Variants in FGFR2 observed in about 807,000 individuals in gnomAD.
The protein encoded by FGFR2 is BEK fibroblast growth factor receptor.
In FGFR2, 19 loss-of-function variants were observed where a neutral mutation model predicts 95.9. The observed-to-expected ratio is 0.20, with a 90% CI of 0.14 to 0.29. FGFR2 has a LOEUF of 0.29. Ranked by LOEUF, FGFR2 falls within the 10% of genes least tolerant of loss-of-function variation. The pLI is 1.00. For synonymous variants in FGFR2, 392 were observed against 393.3 expected (o/e 1.00, Z 0.04); for missense variants, 707 against 1,056.9 (o/e 0.67, Z 4.59).
At chr10:121,544,472 T>A (rs1000909076) in intron 5 of FGFR2, among the ~76,000 whole-genome samples, 3 of 149,222 alleles carry the variant, frequency 2.0e-5, no homozygotes, top group Admixed American at 2.0e-4. Flanking sequence ...AAGTGGTATA[T>A]CCATACAATG....
rs1590132199 is a variant in FGFR2, at chr10:121,593,955, G to A, written c.-138C>T. On this transcript the variant is annotated 5_prime_UTR_variant, in exon 2 of 18. Transcript: ENST00000358487. ...GCTCAGGAACCGAGGCGCTGCCGCT[G>A]CTGCTGCAGTCACTAAAGGAAAGAG... 1 of 772,372 alleles carries A rather than the reference G, an allele frequency of 1.3e-6. No homozygotes were observed. The allele number at this position is 772,372 out of a possible 1,614,324, so 47.8% of individuals were successfully genotyped here.
chr10:121,561,237 C>A (rs907727469), intron 4 of FGFR2, among the ~76,000 whole-genome samples: 1 of 151,958 alleles, frequency 6.6e-6, no homozygotes, highest in Non-Finnish European at 1.5e-5. Flanking sequence ...CCAGCCTGAC[C>A]AACATGGAGA....
chr10:121,499,062 G>C (rs934670604), intron 11 of FGFR2, among the ~76,000 whole-genome samples: 2 of 152,134 alleles, frequency 1.3e-5, no homozygotes, highest in Non-Finnish European at 2.9e-5. Flanking sequence ...TCCGAGGTGG[G>C]TTCAGACGGT....
At chr10:121,590,197 G>A (rs1203958853) in intron 2 of FGFR2, among the ~76,000 whole-genome samples, 2 of 152,168 alleles carry the variant, frequency 1.3e-5, no homozygotes, top group Non-Finnish European at 2.9e-5. Flanking sequence ...ACTCTGTGGA[G>A]GGTGGGAAAG....
At chr10:121,549,350 A>T (rs929801411) in intron 5 of FGFR2, among the ~76,000 whole-genome samples, 2 of 152,216 alleles carry the variant, frequency 1.3e-5, no homozygotes, top group Non-Finnish European at 2.9e-5. Flanking sequence ...GGTGTGTTAA[A>T]GACACGTGAG....
At chr10:121,495,343 C>T (rs895934847) in intron 13 of FGFR2, among the ~76,000 whole-genome samples, 1 of 151,980 alleles carries the variant, frequency 6.6e-6, no homozygotes, top group African/African-American at 2.4e-5. Context: ...GGCAAAACCC[C>T]GTCTCTACCA....
intron 11 of FGFR2, among the ~76,000 whole-genome samples, chr10:121,499,347 A>G (rs1189874841): frequency 6.6e-6 from 1 of 152,236 alleles, no homozygotes; most frequent in Admixed American, 6.5e-5. Context: ...CCTTTAAAAA[A>G]AAAATGAAAT....
chr10:121,525,850 G>T (rs1040570436), intron 6 of FGFR2, among the ~76,000 whole-genome samples: 14 of 152,016 alleles, frequency 9.2e-5, no homozygotes, highest in Non-Finnish European at 1.9e-4. Context: ...ATGCATCCCG[G>T]GGATCAGAAG....
rs577702560 is a variant in FGFR2, at chr10:121,520,243, G to C, written c.749-74C>G. On this transcript the variant is annotated intron_variant, in intron 6 of 17. Transcript: ENST00000358487. Reference sequence around the variant, plus strand: ...ACCAATAAATAAGCTGTGTTGTCCAGAGGGCTGTCAGTGACCTCATGCCAG... The same window carrying C: ...ACCAATAAATAAGCTGTGTTGTCCACAGGGCTGTCAGTGACCTCATGCCAG... The C allele has an allele frequency of 4.1e-6, 6 of 1,466,568 alleles. No homozygotes were observed. The South Asian group carries it at 6.7e-5, about 16-fold the overall frequency. The allele number at this position is 1,466,568 out of a possible 1,614,324, so 90.8% of individuals were successfully genotyped here.
In FGFR2 at chr10:121,598,326, G is replaced by A. The variant is rs1863741658; in HGVS notation, c.-515C>T. The A allele has an allele frequency of 3.1e-6, 1 of 317,494 alleles. No individual in the cohort carries two copies. The highest frequency in any genetic ancestry group is 4.5e-5 in the East Asian group (1 of 22,172). 19.7% of individuals were successfully genotyped at this position (317,494 alleles called of 1,614,324 possible). Reference sequence around the variant, plus strand: ...CCCGCCAGCCCGGAGAGCAGTCGCCGCGCCGGGCCAGGTACGCCGCATGCA... The same window carrying A: ...CCCGCCAGCCCGGAGAGCAGTCGCCACGCCGGGCCAGGTACGCCGCATGCA... On this transcript the variant is annotated 5_prime_UTR_variant, in exon 1 of 18. Coordinates refer to ENST00000358487, the MANE Select transcript of FGFR2 (RefSeq NM_000141.5).
At chr10:121,587,111 C>T (rs891968133) in intron 2 of FGFR2, among the ~76,000 whole-genome samples, 3 of 152,158 alleles carry the variant, frequency 2.0e-5, no homozygotes, top group Admixed American at 6.5e-5. Flanking sequence ...CGCACACCTA[C>T]GACCATCTGA....
intron 12 of FGFR2, among the ~76,000 whole-genome samples, chr10:121,497,795 T>A (rs1400154930): frequency 6.6e-6 from 1 of 152,198 alleles, no homozygotes; most frequent in Non-Finnish European, 1.5e-5. Flanking sequence ...TTCTCACTAC[T>A]ATGGCAGACA....
chr10:121,532,299 C>T (rs890904899), intron 6 of FGFR2, among the ~76,000 whole-genome samples: 1 of 152,152 alleles, frequency 6.6e-6, no homozygotes, highest in African/African-American at 2.4e-5. Context: ...TTTCAATATC[C>T]TAACGTCTCT....
At chr10:121,500,201 G>T (rs924758595) in intron 11 of FGFR2, among the ~76,000 whole-genome samples, 28 of 152,214 alleles carry the variant, frequency 1.8e-4, no homozygotes, top group Admixed American at 9.2e-4. Flanking sequence ...GCATGAAGCA[G>T]GGTTGGAAGG....
intron 9 of FGFR2, among the ~76,000 whole-genome samples, chr10:121,511,805 T>C (rs1490750382): frequency 1.3e-5 from 2 of 152,194 alleles, no homozygotes; most frequent in Admixed American, 1.3e-4. Flanking sequence ...AAATTCACGC[T>C]TACTAGGAAA....
chr10:121,569,734 C>T (rs2135185505), intron 2 of FGFR2, among the ~76,000 whole-genome samples: 1 of 152,268 alleles, frequency 6.6e-6, no homozygotes, highest in South Asian at 2.1e-4. Flanking sequence ...AAAATCAAGC[C>T]ATCCTGTCTT....
chr10:121,537,119 C>T (rs963015043), intron 6 of FGFR2, among the ~76,000 whole-genome samples: 1 of 152,196 alleles, frequency 6.6e-6, no homozygotes, highest in African/African-American at 2.4e-5. Flanking sequence ...GTAATTCTCA[C>T]TAAGAAACAT....
intron 5 of FGFR2, among the ~76,000 whole-genome samples, chr10:121,548,969 G>A (rs904400048): frequency 4.7e-4 from 71 of 152,098 alleles, no homozygotes; most frequent in African/African-American, 1.6e-3. Flanking sequence ...AAGAACAGAA[G>A]GACAAATCAC....
Position 121,485,802 on chromosome 10 carries a change from T to C in FGFR2, c.2058-270A>G, listed in dbSNP as rs1589715461. On this transcript the variant is annotated intron_variant, in intron 15 of 17. Transcript: ENST00000358487. The surrounding 1 kb of genome is among the most constrained non-coding windows in gnomAD (Gnocchi z 4.2). ...AGAGCTGCTTGTCTTAAATGTGGTG[T>C]TAGCAATGCAAGGATCTCAGTTTCT... Among the ~76,000 whole-genome samples the C allele has an allele frequency of 1.3e-5, 2 of 152,180 alleles. No individual in the cohort carries two copies. The highest frequency in any genetic ancestry group is 3.9e-4 in the East Asian group (2 of 5,186).
Sources: allele counts gnomAD v4.1 joint callset (sites outside exome capture counted in the v4.1 genomes callset), GRCh38; gene constraint gnomAD v4.1.1; non-coding constraint Gnocchi (gnomAD v3.1); transcripts MANE v1.5; gene names NCBI Gene and HGNC (gene_info 2026-07-23, HGNC 2026-07-21).